Variants in KDM1B observed in about 807,000 individuals in gnomAD.
KDM1B encodes lysine-specific histone demethylase 2.
Under a neutral mutation model 107.4 loss-of-function variants are expected in KDM1B, and 63 were observed. That is an observed-to-expected ratio of 0.59 (90% CI 0.48 to 0.72). KDM1B has a LOEUF of 0.72. Among genes scored for constraint, KDM1B ranks in the 30% least tolerant of loss-of-function variants. The pLI is 0.00. For missense variants in KDM1B, 749 were observed against 1,020.8 expected, an observed-to-expected ratio of 0.73 and a Z score of 3.63; for synonymous variants, 363 against 363.9, an observed-to-expected ratio of 1.00 and a Z score of 0.03.
rs747821097 is a variant in KDM1B, at chr6:18,165,626, C to A, written c.306-641C>A. On this transcript the variant is annotated intron_variant, in intron 5 of 21. Transcript: ENST00000650836. ...TCTCTTGAGGTTAGGAGTTCGGGAC[C>A]AGCCTGGCCAACATGACGAAACCCC... Among the ~76,000 whole-genome samples, 12 of 152,152 alleles carry A rather than the reference C, an allele frequency of 7.9e-5. No homozygotes were observed. In the South Asian group the frequency reaches 2.5e-3, roughly 32 times the overall value.
At chr6:18,206,061 A>C (rs998124587) in intron 15 of KDM1B, among the ~76,000 whole-genome samples, 1 of 152,092 alleles carries the variant, frequency 6.6e-6, no homozygotes, top group Admixed American at 6.5e-5. Context: ...GCTGGTTTCG[A>C]TAAACAGGAA....
chr6:18,189,757 C>T (rs1253335680), intron 9 of KDM1B, among the ~76,000 whole-genome samples: 3 of 151,930 alleles, frequency 2.0e-5, no homozygotes, highest in Non-Finnish European at 4.4e-5. Context: ...TAAAGTGTAC[C>T]TCTAAATGTA....
At chr6:18,179,672 C>T (rs185169280) in intron 7 of KDM1B, among the ~76,000 whole-genome samples, 2 of 151,506 alleles carry the variant, frequency 1.3e-5, no homozygotes, top group Admixed American at 6.6e-5. Flanking sequence ...GTTGTTTGTA[C>T]TGTTCCCTTG....
At chr6:18,156,592 C>G (rs749637610) in intron 2 of KDM1B, among the ~76,000 whole-genome samples, 11 of 152,026 alleles carry the variant, frequency 7.2e-5, no homozygotes, top group Non-Finnish European at 1.5e-4. Flanking sequence ...CAAAAGATAT[C>G]TAGGCAATTG....
chr6:18,197,287 G>A lies in KDM1B; in HGVS notation c.1146+54G>A. 6.8e-7 allele frequency: 1 copy of A among 1,470,298 alleles called. No individual in the cohort carries two copies. The highest frequency in any genetic ancestry group is 9.3e-7 in the Non-Finnish European group (1 of 1,072,674). 91.1% of individuals were successfully genotyped at this position (1,470,298 alleles called of 1,614,324 possible). A position where few individuals can be genotyped will look rare whatever the true frequency, so the allele number is the denominator to read the frequency against. On this transcript the variant is annotated intron_variant, in intron 11 of 21. Transcript: ENST00000650836. The surrounding 1 kb of genome is among the most constrained non-coding windows in gnomAD (Gnocchi z 4.5). ...TTGCCATTGATCAGGACAAACGCTA[G>A]TCTGTTGCTGTTAATAAATATAGTA...
intron 6 of KDM1B, among the ~76,000 whole-genome samples, chr6:18,170,083 A>G (rs1002529327): frequency 8.6e-5 from 13 of 151,136 alleles, no homozygotes; most frequent in Admixed American, 7.9e-4. Flanking sequence ...TAATTTTTTT[A>G]TATTTTTAGT....
chr6:18,212,677 A>G lies in KDM1B; in HGVS notation c.1983+73A>G. On this transcript the variant is annotated intron_variant, in intron 18 of 21. Coordinates refer to ENST00000650836, the MANE Select transcript of KDM1B (RefSeq NM_001364614.2). This position sits in a 1 kb window ranked among gnomAD's most constrained non-coding sequence, Gnocchi z 5.2. ...TGATAGATGTTAACTTCTGATATGG[A>G]GAAGTAGTGGGTACTATCTAAATAC... is the stretch of plus-strand genomic sequence containing the variant. 1 of 925,286 alleles carries G rather than the reference A, an allele frequency of 1.1e-6. No homozygotes were observed. The highest frequency in any genetic ancestry group is 1.8e-6 in the Non-Finnish European group (1 of 553,672). 57.3% of individuals were successfully genotyped at this position (925,286 alleles called of 1,614,324 possible).
In KDM1B at chr6:18,201,740, C is replaced by T. The variant is rs561564980; in HGVS notation, c.1531+83C>T. The T allele has an allele frequency of 3.5e-5, 42 of 1,195,836 alleles. No homozygotes were observed. The East Asian group carries it at 7.5e-4, about 21-fold the overall frequency. 74.1% of individuals were successfully genotyped at this position (1,195,836 alleles called of 1,614,324 possible). Reference sequence around the variant, plus strand: ...CATCAGCAGTGGCATTGTTCATTTGCGAGGTCGGATGTCGGCAACAGGGTA... The same window carrying T: ...CATCAGCAGTGGCATTGTTCATTTGTGAGGTCGGATGTCGGCAACAGGGTA... On this transcript the variant is annotated intron_variant, in intron 14 of 21. Transcript: ENST00000650836. This position sits in a 1 kb window ranked among gnomAD's most constrained non-coding sequence, Gnocchi z 4.3.
intron 17 of KDM1B, among the ~76,000 whole-genome samples, chr6:18,210,364 T>TG (rs1788771019): frequency 1.9e-5 from 2 of 106,094 alleles, no homozygotes; most frequent in East Asian, 2.5e-4. Flanking sequence ...TTTTTTTTTT[T>TG]TTTTTTTTGT....
At chr6:18,208,314 G>A in intron 17 of KDM1B, 108 bp downstream of exon 17, 2 of 752,496 alleles carry the variant, frequency 2.7e-6, no homozygotes, top group Non-Finnish European at 4.5e-6. Context: ...AATCTGCCTG[G>A]ACCCTTGTTG....
intron 21 of KDM1B, among the ~76,000 whole-genome samples, chr6:18,219,359 T>TTCTTTCTAGAGAATC (rs1789499790): frequency 6.6e-6 from 1 of 152,230 alleles, no homozygotes; most frequent in Non-Finnish European, 1.5e-5. Flanking sequence ...TTTTTTCTCT[T>TTCTTTCTAGAGAATC]TCTTTCTAGA....
At chr6:18,196,747 T>A (rs922441033) in intron 10 of KDM1B, among the ~76,000 whole-genome samples, 1 of 152,200 alleles carries the variant, frequency 6.6e-6, no homozygotes, top group Non-Finnish European at 1.5e-5. Flanking sequence ...TTACATTGTA[T>A]TAGGTATTAT....
chr6:18,219,205 AT>A (rs1414613493), intron 21 of KDM1B, among the ~76,000 whole-genome samples: 2 of 152,042 alleles, frequency 1.3e-5, no homozygotes, highest in African/African-American at 4.8e-5. Flanking sequence ...CCTGGCCTGG[AT>A]CTCTTTTAAA....
chr6:18,163,358 C>T (rs756153171), intron 5 of KDM1B, among the ~76,000 whole-genome samples: 17 of 152,070 alleles, frequency 1.1e-4, no homozygotes, highest in Admixed American at 5.9e-4. Context: ...CTGCACCCAG[C>T]GAAACAGTTA....
rs115913150 is a variant in KDM1B, at chr6:18,180,062, C to T, written c.535-5710C>T. Among the ~76,000 whole-genome samples the T allele has an allele frequency of 9.4e-3, 1,371 of 145,762 alleles. 20 individuals are homozygous for T. The highest frequency in any genetic ancestry group is 0.034 in the African/African-American group (1,316 of 39,262). On this transcript the variant is annotated intron_variant, in intron 7 of 21. Coordinates refer to ENST00000650836, the MANE Select transcript of KDM1B (RefSeq NM_001364614.2). ...TATTTTTTTTTTTTTTTAATAGAGA[C>T]GGGGTTTTGCTGTCTTGCCCAGGGT... is the stretch of plus-strand genomic sequence containing the variant.
chr6:18,177,907 A>G (rs1036345013), intron 7 of KDM1B, among the ~76,000 whole-genome samples: 1 of 152,116 alleles, frequency 6.6e-6, no homozygotes, highest in South Asian at 2.1e-4. Flanking sequence ...CTTACAGAAA[A>G]TGTTTCCTGA....
rs1787972390 is a variant in KDM1B at position 18,200,639 on chromosome 6, G to A, written c.1359+63G>A. On this transcript the variant is annotated intron_variant, in intron 13 of 21. Coordinates refer to ENST00000650836, the MANE Select transcript of KDM1B (RefSeq NM_001364614.2). This position sits in a 1 kb window ranked among gnomAD's most constrained non-coding sequence, Gnocchi z 4.3. ...AGAAAAACAGTTTCAATTTGCTTGT[G>A]TGCAGTATTAATATGCTTCTAAAGT... 2 of 1,525,270 alleles carry A rather than the reference G, an allele frequency of 1.3e-6. No homozygotes were observed. The highest frequency in any genetic ancestry group is 1.9e-5 in the Admixed American group (1 of 52,644). The allele number at this position is 1,525,270 out of a possible 1,614,324, so 94.5% of individuals were successfully genotyped here. A position where few individuals can be genotyped will look rare whatever the true frequency, so the allele number is the denominator to read the frequency against.
rs1476464152 is a variant in KDM1B, at chr6:18,203,569, T to C, written c.1531+1912T>C. 6.6e-6 allele frequency among the ~76,000 whole-genome samples: 1 copy of C among 152,134 alleles called. No individual in the cohort carries two copies. Among genetic ancestry groups the C allele is most frequent in the Non-Finnish European group, 1.5e-5 (1 of 68,022 alleles). Reference sequence around the variant, plus strand: ...AATATTATTTACATAAAAATCACACTGTGCTGGGCGCGGTGGCTAACGCCT... The same window carrying C: ...AATATTATTTACATAAAAATCACACCGTGCTGGGCGCGGTGGCTAACGCCT... On this transcript the variant is annotated intron_variant, in intron 14 of 21. Coordinates refer to ENST00000650836, the MANE Select transcript of KDM1B (RefSeq NM_001364614.2). This position sits in a 1 kb window ranked among gnomAD's most constrained non-coding sequence, Gnocchi z 5.5.
At chr6:18,217,159 A>T (rs956098026) in intron 20 of KDM1B, among the ~76,000 whole-genome samples, 2 of 152,038 alleles carry the variant, frequency 1.3e-5, no homozygotes, top group Non-Finnish European at 2.9e-5. Flanking sequence ...GTAGAGGGAG[A>T]GTGTGTCCCG....
Sources: allele counts gnomAD v4.1 joint callset (sites outside exome capture counted in the v4.1 genomes callset), GRCh38; gene constraint gnomAD v4.1.1; non-coding constraint Gnocchi (gnomAD v3.1); transcripts MANE v1.5; gene names NCBI Gene and HGNC (gene_info 2026-07-23, HGNC 2026-07-21).